ATXN2L: variants seen among roughly 807,000 people sequenced by gnomAD.
The protein encoded by ATXN2L is ataxin 2 like.
A neutral mutation model predicts 120.7 loss-of-function variants in ATXN2L; 24 were observed. The ratio of observed to expected loss-of-function variants is 0.20; its 90% CI spans 0.14 to 0.28. ATXN2L has a LOEUF of 0.28. ATXN2L is among the 10% of genes least tolerant of loss of function. The pLI, the probability that ATXN2L is intolerant of heterozygous loss-of-function variation, is 1.00. For missense variants in ATXN2L, 1,312 were observed against 1,432.3 expected (o/e 0.92, Z 1.36); for synonymous variants, 653 against 568.1 (o/e 1.15, Z -2.13).
At chr16:28,832,150 T>C (rs1335809626) in intron 10 of ATXN2L, 55 bp from the exon 11 acceptor site, 14 of 1,585,548 alleles carry the variant, frequency 8.8e-6, no homozygotes, top group Non-Finnish European at 1.2e-5. Flanking sequence ...AAGGCCCTTG[T>C]ACTCACTGCT....
rs1032961018 is a variant in ATXN2L, at chr16:28,823,241, C to A, written c.-19C>A. On this transcript the variant is annotated 5_prime_UTR_variant, in exon 1 of 22. Transcript: ENST00000336783. Reference sequence around the variant, plus strand: ...CTCTCCCTCCCTTCTCTCTAATTCCCCTTCCGGACGCTGCCATCATGTTGA... The same window carrying A: ...CTCTCCCTCCCTTCTCTCTAATTCCACTTCCGGACGCTGCCATCATGTTGA... The A allele has an allele frequency of 7.0e-7, 1 of 1,430,458 alleles. No individual in the cohort carries two copies. Among genetic ancestry groups the A allele is most frequent in the Non-Finnish European group, 9.2e-7 (1 of 1,090,400 alleles). 88.6% of individuals were successfully genotyped at this position (1,430,458 alleles called of 1,614,324 possible).
chr16:28,832,519 C>A lies in ATXN2L; in HGVS notation c.1540C>A (p.Pro514Thr). ...TDVKELSTKE[P>T]GRTLEPQELA... Reference sequence around the variant, plus strand: ...AGTAAAAGAACTCTCTACCAAGGAACCTGGGAGAACTCTGGAGCCCCAGGA... The same window carrying A: ...AGTAAAAGAACTCTCTACCAAGGAAACTGGGAGAACTCTGGAGCCCCAGGA... Residue 514 changes from proline to threonine, a missense_variant, in exon 12 of 22, where the codon CCT becomes ACT. Pro to Thr is a conservative substitution (Grantham distance 38, BLOSUM62 -1). Transcript: ENST00000336783. The A allele has an allele frequency of 1.2e-6, 2 of 1,614,142 alleles. No individual in the cohort carries two copies. Among genetic ancestry groups the A allele is most frequent in the Non-Finnish European group, 1.7e-6 (2 of 1,180,020 alleles).
intron 6 of ATXN2L, among the ~76,000 whole-genome samples, chr16:28,828,145 T>C (rs2052914932): frequency 1.3e-5 from 2 of 152,210 alleles, no homozygotes; most frequent in African/African-American, 4.8e-5. Context: ...CTACTAAAAA[T>C]AGTACCTTGC....
intron 1 of ATXN2L, chr16:28,824,475 G>T (rs773138686): frequency 2.3e-5 from 30 of 1,287,998 alleles, no homozygotes; most frequent in Non-Finnish European, 3.0e-5. Flanking sequence ...CCCCCTCTTC[G>T]CCCTCAACCG....
In ATXN2L at chr16:28,826,379, A is replaced by G. The variant is rs754670706; in HGVS notation, c.605A>G (p.Tyr202Cys). 5.6e-6 allele frequency: 9 copies of G among 1,614,084 alleles called. No individual in the cohort carries two copies. Among genetic ancestry groups the G allele is most frequent in the Non-Finnish European group, 7.6e-6 (9 of 1,180,042 alleles). The change falls in exon 5 of 22, where the codon TAT (tyrosine) becomes TGT (cysteine). Residue 202 changes from tyrosine (Y) to cysteine (C), a missense_variant. Transcript: ENST00000336783. ...CACTTCCGAAATGTTGACTTCAACT[A>G]TGCTACTAAAGGTATTGTCCTAGGC... ...LVHFRNVDFNYATKDKFTDSA... is the reference protein window; with the variant it reads ...LVHFRNVDFNCATKDKFTDSA...
At position 28,825,401 on chromosome 16, in the gene ATXN2L, C is replaced by G; in HGVS notation, c.335C>G (p.Pro112Arg). ...QSTGKGPPQS[P>R]VFEGVYNNSR... ...ACAGGAAAGGGACCCCCACAGTCAC[C>G]TGTGAGTGTCTTCTCCCACCCTGTT... The change falls in exon 2 of 22, where the codon CCT becomes CGT. Residue 112 changes from proline (P) to arginine (R), a missense_variant and splice_region_variant. Pro to Arg is a moderately radical substitution (Grantham distance 103). Coordinates refer to ENST00000336783, the MANE Select transcript of ATXN2L (RefSeq NM_007245.4). 6.2e-7 allele frequency: 1 copy of G among 1,613,722 alleles called. No individual in the cohort carries two copies. Among genetic ancestry groups the G allele is most frequent in the Non-Finnish European group, 8.5e-7 (1 of 1,179,826 alleles).
rs754765699 is a variant in ATXN2L, at chr16:28,835,590, A to G, written c.2727A>G (p.Pro909=). The G allele has an allele frequency of 4.3e-6, 7 of 1,613,860 alleles. No individual in the cohort carries two copies. Among genetic ancestry groups the G allele is most frequent in the South Asian group, 1.1e-5 (1 of 91,088 alleles). The part of the protein sequence containing the change: ...GQAPHLGSGQ[P]QQNLYHPGAL... ...CCCCACACTTGGGCAGTGGACAGCC[A>G]CAGCAGAATCTGTACCACCCAGGGG... The change falls in exon 21 of 22, where the codon CCA becomes CCG. Residue 909 remains proline, a synonymous_variant. Transcript: ENST00000336783.
intron 1 of ATXN2L, chr16:28,824,182 G>T (rs961040380): frequency 1.1e-5 from 11 of 1,036,054 alleles, no homozygotes; most frequent in Non-Finnish European, 1.3e-5. Flanking sequence ...CTCATGACCC[G>T]GGCATTCGCG....
At chr16:28,825,184 C>T (rs906613822) in intron 1 of ATXN2L, among the ~76,000 whole-genome samples, 182 bp from the exon 2 acceptor site, 2 of 151,612 alleles carry the variant, frequency 1.3e-5, no homozygotes, top group Non-Finnish European at 2.9e-5. Context: ...GCCACTGCAC[C>T]CCAGCCTGGG....
intron 4 of ATXN2L, 68 bp from the exon 5 acceptor site, chr16:28,826,172 C>T (rs1044105953): frequency 2.5e-6 from 4 of 1,572,180 alleles, no homozygotes; most frequent in African/African-American, 2.7e-5. Flanking sequence ...TAAGAGAAAT[C>T]CAGTTCTATT....
chr16:28,829,663 C>G, intron 7 of ATXN2L, 171 bp downstream of exon 7: 1 of 768,722 alleles, frequency 1.3e-6, no homozygotes, highest in Non-Finnish European at 2.1e-6. Flanking sequence ...TTTTAAGCGT[C>G]TTAAGTGCTT....
chr16:28,833,253 T>C lies in ATXN2L; in HGVS notation c.1854T>C (p.Thr618=). 6.2e-7 allele frequency: 1 copy of C among 1,614,156 alleles called. No individual in the cohort carries two copies. Among genetic ancestry groups the C allele is most frequent in the Non-Finnish European group, 8.5e-7 (1 of 1,180,034 alleles). The part of the protein sequence containing the change: ...DKPPLAPSGG[T]EGPEQPPPPC... ...CACCCCTGGCACCATCAGGAGGCAC[T>C]GAGGGGCCAGAGCAGCCCCCACCAC... Residue 618 remains threonine (T), a synonymous_variant, in exon 14 of 22, where the codon ACT becomes ACC. Transcript: ENST00000336783.
Position 28,836,519 on chromosome 16 carries a change from G to T in ATXN2L, c.*254G>T. 6.3e-7 allele frequency: 1 copy of T among 1,597,436 alleles called. No homozygotes were observed. ...AGTGCAGCAGACAGGGCCAGACTGG[G>T]GTGTGGGGGGCTGAGCTGGGCACAT... is the stretch of plus-strand genomic sequence containing the variant. On this transcript the variant is annotated 3_prime_UTR_variant, in exon 22 of 22. Transcript: ENST00000336783.
intron 5 of ATXN2L, chr16:28,826,623 C>T (rs1486613590): frequency 2.2e-5 from 13 of 592,632 alleles, no homozygotes; most frequent in African/African-American, 5.6e-5. Context: ...TGTGGTTCTT[C>T]ATATTTTCTT....
intron 15 of ATXN2L, 61 bp downstream of exon 15, chr16:28,833,569 T>C (rs1407055015): frequency 3.3e-6 from 5 of 1,508,748 alleles, no homozygotes; most frequent in African/African-American, 1.4e-5. Context: ...GCAGTGCTTA[T>C]AGATGAATAG....
At chr16:28,829,757 C>T in intron 7 of ATXN2L, 101 bp from the exon 8 acceptor site, 5 of 1,274,558 alleles carry the variant, frequency 3.9e-6, no homozygotes, top group Non-Finnish European at 5.7e-6. Context: ...TTAAATACTT[C>T]CATGCCTGAA....
intron 8 of ATXN2L, 114 bp downstream of exon 8, chr16:28,830,172 C>G: frequency 9.0e-7 from 1 of 1,109,990 alleles, no homozygotes; most frequent in Non-Finnish European, 1.2e-6. Flanking sequence ...AAATGTCATA[C>G]ACAGGTTTAG....
In ATXN2L at chr16:28,823,220, C is replaced by T. The variant is rs780312498; in HGVS notation, c.-40C>T. The T allele has an allele frequency of 2.0e-5, 26 of 1,294,214 alleles. No homozygotes were observed. The South Asian group carries it at 2.5e-4, about 13-fold the overall frequency. The allele number at this position is 1,294,214 out of a possible 1,614,324, so 80.2% of individuals were successfully genotyped here. Reference sequence around the variant, plus strand: ...GGGCCCCAGCCCCGGCCCCCTCTCTCCCTCCCTTCTCTCTAATTCCCCTTC... The same window carrying T: ...GGGCCCCAGCCCCGGCCCCCTCTCTTCCTCCCTTCTCTCTAATTCCCCTTC... On this transcript the variant is annotated 5_prime_UTR_variant, in exon 1 of 22. Coordinates refer to ENST00000336783, the MANE Select transcript of ATXN2L (RefSeq NM_007245.4).
chr16:28,835,323 C>T lies in ATXN2L; in HGVS notation c.2609C>T (p.Ala870Val). The change falls in exon 20 of 22, where the codon GCC becomes GTC. Residue 870 changes from alanine to valine, a missense_variant. Physicochemically the swap from Ala to Val is moderately conservative, Grantham distance 64 (BLOSUM62 0). Transcript: ENST00000336783. ...CCACACCATGCCACACAGCTCCATG[C>T]CCACCAGCCGCAGCCGGCTACCACG... The part of the protein sequence containing the change: ...SYPHHATQLH[A>V]HQPQPATTPT... The T allele has an allele frequency of 6.2e-7, 1 of 1,613,670 alleles. No individual in the cohort carries two copies. Among genetic ancestry groups the T allele is most frequent in the African/African-American group, 1.3e-5 (1 of 75,022 alleles).
Sources: gnomAD v4.1 joint callset for allele counts (sites outside exome capture counted in the v4.1 genomes callset) on GRCh38, gnomAD v4.1.1 for gene constraint, MANE v1.5 for transcripts, NCBI Gene and HGNC (gene_info 2026-07-23, HGNC 2026-07-21) for gene names.